Variants in CACNA2D2 observed in about 807,000 individuals in gnomAD.
The protein encoded by CACNA2D2 is calcium voltage-gated channel auxiliary subunit alpha2delta 2.
Under a neutral mutation model 166.4 loss-of-function variants are expected in CACNA2D2, and 48 were observed. The ratio of observed to expected loss-of-function variants is 0.29; its 90% CI spans 0.23 to 0.37. CACNA2D2 has a LOEUF of 0.37. Among genes scored for constraint, CACNA2D2 ranks in the 10% least tolerant of loss-of-function variants. CACNA2D2 has a pLI of 1.00. For missense variants in CACNA2D2, 1,122 were observed against 1,433.0 expected (o/e 0.78, Z 3.50); for synonymous variants, 561 against 573.7 (o/e 0.98, Z 0.32).
At chr3:50,424,817 C>A (rs1388927391) in intron 3 of CACNA2D2, among the ~76,000 whole-genome samples, 2 of 152,148 alleles carry the variant, frequency 1.3e-5, no homozygotes, top group Non-Finnish European at 2.9e-5. Flanking sequence ...CTCAGGTGCC[C>A]CTGCCCGGGT....
intron 3 of CACNA2D2, among the ~76,000 whole-genome samples, chr3:50,419,018 G>A (rs140180708): frequency 1.6e-4 from 24 of 152,282 alleles, no homozygotes; most frequent in Non-Finnish European, 2.8e-4. Context: ...TGCTCAGCCT[G>A]CAGAGGAGTG....
At chr3:50,441,716 T>C (rs568471626) in intron 2 of CACNA2D2, among the ~76,000 whole-genome samples, 2 of 152,380 alleles carry the variant, frequency 1.3e-5, no homozygotes, top group South Asian at 4.1e-4. Flanking sequence ...CAATCCTGAT[T>C]ATCCATTTAC....
At chr3:50,426,180 T>A (rs966927770) in intron 3 of CACNA2D2, among the ~76,000 whole-genome samples, 1 of 152,216 alleles carries the variant, frequency 6.6e-6, no homozygotes, top group Non-Finnish European at 1.5e-5. Context: ...ACCCAGGCAG[T>A]GACCAGGGTT....
intron 3 of CACNA2D2, among the ~76,000 whole-genome samples, 178 bp from the exon 4 acceptor site, chr3:50,394,346 TG>T (rs1387864280): frequency 6.6e-6 from 1 of 152,108 alleles, no homozygotes; most frequent in Admixed American, 6.5e-5. Context: ...GCTTGCTGTG[TG>T]GGCACCTCCT....
chr3:50,454,372 C>T (rs1437533315), intron 2 of CACNA2D2, among the ~76,000 whole-genome samples: 1 of 152,190 alleles, frequency 6.6e-6, no homozygotes, highest in South Asian at 2.1e-4. Context: ...GGACGCGCAC[C>T]CTCCCTGGCC....
intron 1 of CACNA2D2, among the ~76,000 whole-genome samples, chr3:50,493,780 G>A (rs181629489): frequency 5.9e-4 from 90 of 152,326 alleles, no homozygotes; most frequent in African/African-American, 2.2e-3. Flanking sequence ...CGGGGCACGG[G>A]TCTGGAGGAG....
At chr3:50,501,828 T>C (rs1264352994) in intron 1 of CACNA2D2, among the ~76,000 whole-genome samples, 1 of 152,096 alleles carries the variant, frequency 6.6e-6, no homozygotes, top group African/African-American at 2.4e-5. Flanking sequence ...TGAAAGACAA[T>C]AACGCATCCA....
chr3:50,400,812 T>C (rs993474317), intron 3 of CACNA2D2, among the ~76,000 whole-genome samples: 1 of 152,236 alleles, frequency 6.6e-6, no homozygotes, highest in African/African-American at 2.4e-5. Context: ...CTCATCTTTA[T>C]TTTTTCCTTA....
intron 1 of CACNA2D2, among the ~76,000 whole-genome samples, chr3:50,479,850 C>T (rs972260681): frequency 1.3e-5 from 2 of 152,234 alleles, no homozygotes; most frequent in African/African-American, 2.4e-5. Flanking sequence ...ACACCCAACA[C>T]GGAGGTGGAC....
chr3:50,385,335 C>T (rs1705540957), intron 5 of CACNA2D2, among the ~76,000 whole-genome samples: 1 of 152,170 alleles, frequency 6.6e-6, no homozygotes, highest in Non-Finnish European at 1.5e-5. Flanking sequence ...CTGAACACCC[C>T]ATACGCTCCC....
At chr3:50,403,408 G>A (rs1706544219) in intron 3 of CACNA2D2, among the ~76,000 whole-genome samples, 1 of 152,038 alleles carries the variant, frequency 6.6e-6, no homozygotes, top group Non-Finnish European at 1.5e-5. Flanking sequence ...TTATGCCAAC[G>A]GGCTGCCCTT....
At chr3:50,481,874 T>A (rs1698069878) in intron 1 of CACNA2D2, among the ~76,000 whole-genome samples, 1 of 152,114 alleles carries the variant, frequency 6.6e-6, no homozygotes, top group Non-Finnish European at 1.5e-5. Context: ...CGTACACCTG[T>A]AGTCCCAGCT....
At chr3:50,463,303 CTCT>C (rs1443481382) in intron 2 of CACNA2D2, among the ~76,000 whole-genome samples, 3 of 150,316 alleles carry the variant, frequency 2.0e-5, no homozygotes, top group Admixed American at 6.6e-5. Context: ...CTCCAAATTT[CTCT>C]TTTTTTTTTT....
intron 1 of CACNA2D2, among the ~76,000 whole-genome samples, chr3:50,494,635 C>A (rs998880629): frequency 1.3e-5 from 2 of 152,276 alleles, no homozygotes; most frequent in Non-Finnish European, 2.9e-5. Context: ...AAGCAGACCT[C>A]AACTTGCCCC....
At chr3:50,467,137 G>T (rs1709858773) in intron 2 of CACNA2D2, among the ~76,000 whole-genome samples, 1 of 152,152 alleles carries the variant, frequency 6.6e-6, no homozygotes, top group Admixed American at 6.5e-5. Context: ...ACACACCTGG[G>T]CCAAGCCTTC....
At position 50,407,883 on chromosome 3, in the gene CACNA2D2, G is replaced by T. The variant is rs906838044; in HGVS notation, c.406-13715C>A. Among the ~76,000 whole-genome samples, 8 of 152,360 alleles carry T rather than the reference G, an allele frequency of 5.3e-5. No homozygotes were observed. In the East Asian group the frequency reaches 1.2e-3, roughly 22 times the overall value. On this transcript the variant is annotated intron_variant, in intron 3 of 37. Transcript: ENST00000424201. ...AGGGAAGTAATGCCCAGAGGGCAAA[G>T]ATGTGGGGGTAGGAAGGAGGGCAGT...
chr3:50,423,656 T>A (rs569646468), intron 3 of CACNA2D2, among the ~76,000 whole-genome samples: 1 of 152,356 alleles, frequency 6.6e-6, no homozygotes, highest in South Asian at 2.1e-4. Context: ...GTAACTGGGC[T>A]CCAGCTGGTG....
intron 3 of CACNA2D2, among the ~76,000 whole-genome samples, chr3:50,394,565 C>T (rs1706053388): frequency 6.6e-6 from 1 of 152,218 alleles, no homozygotes; most frequent in South Asian, 2.1e-4. Flanking sequence ...GCCCTTCTGA[C>T]AGCTATCCAG....
chr3:50,429,767 C>G (rs1419610506), intron 3 of CACNA2D2, among the ~76,000 whole-genome samples: 1 of 149,996 alleles, frequency 6.7e-6, no homozygotes, highest in East Asian at 2.0e-4. Flanking sequence ...GAGACTCCGT[C>G]TCGAAAAAAA....
Sources: gnomAD v4.1 joint callset for allele counts (sites outside exome capture counted in the v4.1 genomes callset) on GRCh38, gnomAD v4.1.1 for gene constraint, MANE v1.5 for transcripts, NCBI Gene and HGNC (gene_info 2026-07-23, HGNC 2026-07-21) for gene names.